CNTN6: variants seen among roughly 807,000 people sequenced by gnomAD.
CNTN6 encodes contactin-6.
In CNTN6, 137 loss-of-function variants were observed where a neutral mutation model predicts 122.8. The ratio of observed to expected loss-of-function variants is 1.12; its 90% CI spans 0.97 to 1.29. The LOEUF (loss-of-function observed/expected upper bound fraction) is 1.29. CNTN6 is among the 50% of genes most tolerant of loss of function. The pLI is 0.00. For missense variants in CNTN6, 1,634 were observed against 1,223.4 expected (o/e 1.34, Z -5.01); for synonymous variants, 570 against 426.0 (o/e 1.34, Z -4.16).
chr3:1,256,222 T>TTAAGAATTA (rs2094755837), intron 4 of CNTN6, among the ~76,000 whole-genome samples: 1 of 152,176 alleles, frequency 6.6e-6, no homozygotes. Context: ...TTAAAATATC[T>TTAAGAATTA]TAAGAATTAT....
chr3:1,236,953 C>T (rs891682281), intron 4 of CNTN6, among the ~76,000 whole-genome samples: 8 of 151,726 alleles, frequency 5.3e-5, no homozygotes, highest in South Asian at 2.1e-4. Flanking sequence ...TGGTGGTGGG[C>T]GCCTGTAGTG....
chr3:1,104,565 A>T (rs1236218154), intron 1 of CNTN6, among the ~76,000 whole-genome samples: 1 of 152,178 alleles, frequency 6.6e-6, no homozygotes, highest in Non-Finnish European at 1.5e-5. Flanking sequence ...AACCTTGGTA[A>T]ATTAGTACGT....
At chr3:1,144,585 T>A (rs75795240) in intron 1 of CNTN6, among the ~76,000 whole-genome samples, 7,821 of 58,318 alleles carry the variant, frequency 0.13, 686 homozygotes, top group African/African-American at 0.37. Flanking sequence ...CATTAAAAAA[T>A]AATAATAATA....
At chr3:1,352,105 T>C (rs969801598) in intron 11 of CNTN6, among the ~76,000 whole-genome samples, 5 of 151,906 alleles carry the variant, frequency 3.3e-5, no homozygotes, top group African/African-American at 1.2e-4. Context: ...TATAGAATGA[T>C]AATTATCAAT....
chr3:1,096,811 G>A lies in CNTN6; in HGVS notation c.-83+3691G>A, dbSNP rs557584904. 2.0e-5 allele frequency among the ~76,000 whole-genome samples: 3 copies of A among 152,248 alleles called. No homozygotes were observed. In the South Asian group the frequency reaches 6.2e-4, roughly 32 times the overall value. The stretch of plus-strand genomic sequence containing the variant: ...ATGATTTTTAGTATTTGGCTACAGT[G>A]GAAATGGGCTTCAAGTCGTGTTTTG... On this transcript the variant is annotated intron_variant, in intron 1 of 22. Coordinates refer to ENST00000446702, the MANE Select transcript of CNTN6 (RefSeq NM_001289080.2).
chr3:1,175,720 G>A (rs962900218), intron 2 of CNTN6, among the ~76,000 whole-genome samples: 1 of 152,186 alleles, frequency 6.6e-6, no homozygotes, highest in African/African-American at 2.4e-5. Context: ...TGAATATATT[G>A]TGAGAGTGGA....
intron 4 of CNTN6, among the ~76,000 whole-genome samples, chr3:1,258,977 G>T (rs1394793569): frequency 1.3e-5 from 2 of 152,028 alleles, no homozygotes; most frequent in East Asian, 3.9e-4. Flanking sequence ...CTGTTATTGG[G>T]TGAAAGCAGC....
intron 2 of CNTN6, among the ~76,000 whole-genome samples, chr3:1,171,909 C>CT (rs1216776794): frequency 6.6e-6 from 1 of 152,136 alleles, no homozygotes; most frequent in East Asian, 1.9e-4. Context: ...ACTCGGCCTG[C>CT]TGTATACTCT....
intron 11 of CNTN6, among the ~76,000 whole-genome samples, chr3:1,331,419 G>A (rs1702273028): frequency 6.6e-6 from 1 of 151,990 alleles, no homozygotes; most frequent in Non-Finnish European, 1.5e-5. Flanking sequence ...AATCCCTCAA[G>A]ACATAGGAAC....
chr3:1,127,278 G>A (rs1210217002), intron 1 of CNTN6, among the ~76,000 whole-genome samples: 1 of 151,506 alleles, frequency 6.6e-6, no homozygotes, highest in Non-Finnish European at 1.5e-5. Flanking sequence ...TAATTTATTT[G>A]GAAACTCAAC....
chr3:1,275,663 C>T (rs116576112), intron 4 of CNTN6, among the ~76,000 whole-genome samples: 161 of 152,268 alleles, frequency 1.1e-3, no homozygotes, highest in African/African-American at 3.7e-3. Flanking sequence ...CTAGATGGTG[C>T]CATTTGGGGG....
intron 4 of CNTN6, among the ~76,000 whole-genome samples, chr3:1,263,249 C>T (rs1220137178): frequency 6.6e-6 from 1 of 152,154 alleles, no homozygotes; most frequent in African/African-American, 2.4e-5. Flanking sequence ...GCACTTCATT[C>T]AAGCACAGAT....
chr3:1,372,971 GA>G lies in CNTN6; in HGVS notation c.1786+21del. The stretch of plus-strand genomic sequence containing the variant: ...ATTGTTAGAGGTAAGCATAAATGGT[GA>G]AAAAGTGATCACATTGTTTCTTCAC... On this transcript the variant is annotated intron_variant, in intron 14 of 22. Coordinates refer to ENST00000446702, the MANE Select transcript of CNTN6 (RefSeq NM_001289080.2). 3.6e-6 allele frequency: 5 copies of G among 1,388,644 alleles called. No homozygotes were observed. Among genetic ancestry groups the G allele is most frequent in the African/African-American group, 1.4e-5 (1 of 69,404 alleles). 86.0% of individuals were successfully genotyped at this position (1,388,644 alleles called of 1,614,324 possible).
intron 4 of CNTN6, among the ~76,000 whole-genome samples, chr3:1,270,314 C>T (rs1167493251): frequency 1.3e-5 from 2 of 152,108 alleles, no homozygotes; most frequent in Non-Finnish European, 2.9e-5. Context: ...ATAACTGGTC[C>T]TCTTCAAAGA....
chr3:1,221,301 A>C (rs540459942), intron 3 of CNTN6, among the ~76,000 whole-genome samples: 1 of 152,294 alleles, frequency 6.6e-6, no homozygotes, highest in African/African-American at 2.4e-5. Context: ...TGAAAGACTA[A>C]AATGTAAGCT....
At chr3:1,100,148 C>T (rs2090804478) in intron 1 of CNTN6, among the ~76,000 whole-genome samples, 1 of 152,044 alleles carries the variant, frequency 6.6e-6, no homozygotes, top group African/African-American at 2.4e-5. Context: ...ATGTGCATCT[C>T]CTAGATTCTC....
intron 2 of CNTN6, among the ~76,000 whole-genome samples, chr3:1,156,684 C>CT (rs2092973098): frequency 5.9e-5 from 1 of 16,844 alleles, no homozygotes; most frequent in Admixed American, 6.6e-4. Flanking sequence ...CCTTCCTTTC[C>CT]CTCCCTCCCT....
intron 2 of CNTN6, among the ~76,000 whole-genome samples, chr3:1,208,962 A>C (rs2093995756): frequency 6.6e-6 from 1 of 152,158 alleles, no homozygotes; most frequent in South Asian, 2.1e-4. Context: ...GAGTTTACTT[A>C]TGTTGGATTT....
intron 1 of CNTN6, among the ~76,000 whole-genome samples, chr3:1,117,184 C>T (rs1356389247): frequency 6.6e-6 from 1 of 152,118 alleles, no homozygotes; most frequent in Non-Finnish European, 1.5e-5. Context: ...GCTTCTTAAA[C>T]ACACGTGTGC....
Sources: gnomAD v4.1 joint callset for allele counts (sites outside exome capture counted in the v4.1 genomes callset) on GRCh38, gnomAD v4.1.1 for gene constraint, MANE v1.5 for transcripts, NCBI Gene and HGNC (gene_info 2026-07-23, HGNC 2026-07-21) for gene names.